The following POLR3C variants were observed in gnomAD, a reference collection of about 807,000 sequenced individuals.
The protein encoded by POLR3C is DNA-directed RNA polymerase III subunit RPC3.
In POLR3C, 44 loss-of-function variants were observed where a neutral mutation model predicts 65.9. That is an observed-to-expected ratio of 0.67 (90% CI 0.52 to 0.86). The LOEUF is 0.86. Among genes scored for constraint, POLR3C ranks in the 40% least tolerant of loss-of-function variants. The pLI is 0.00. For synonymous variants in POLR3C, 263 were observed against 231.6 expected (o/e 1.14, Z -1.23); for missense variants, 576 against 653.2 (o/e 0.88, Z 1.29).
At chr1:145,828,404 A>G (rs1650967438) in intron 4 of POLR3C, among the ~76,000 whole-genome samples, 1 of 152,216 alleles carries the variant, frequency 6.6e-6, no homozygotes, top group South Asian at 2.1e-4. Flanking sequence ...GAATGGGGCA[A>G]AGGTAAATGT....
At chr1:145,836,736 C>G in intron 8 of POLR3C, 79 bp from the exon 9 acceptor site, 1 of 1,046,566 alleles carries the variant, frequency 9.6e-7, no homozygotes. Context: ...CTGCTGCAGA[C>G]TTTTGGTCAG....
Position 145,836,806 on chromosome 1 carries a change from T to C in POLR3C, c.958-9T>C. 1 of 1,563,996 alleles carries C rather than the reference T, an allele frequency of 6.4e-7. No homozygotes were observed. Among genetic ancestry groups the C allele is most frequent in the Middle Eastern group, 1.7e-4 (1 of 5,954 alleles). ...CCGTTCAGTTAACACTCTCTCTTTT[T>C]CTTAATAGCTAGAGTTTGTTGGAAA... On this transcript the variant is annotated splice_polypyrimidine_tract_variant and intron_variant, in intron 8 of 14. Coordinates refer to ENST00000334163, the MANE Select transcript of POLR3C (RefSeq NM_006468.8).
chr1:145,842,406 A>G lies in POLR3C; in HGVS notation c.1591A>G (p.Met531Val), dbSNP rs782266754. 6.2e-7 allele frequency: 1 copy of G among 1,605,792 alleles called. No homozygotes were observed. Among genetic ancestry groups the G allele is most frequent in the East Asian group, 2.2e-5 (1 of 44,856 alleles). Residue 531 changes from methionine to valine, a missense_variant, in exon 15 of 15, where the codon ATG (methionine) becomes GTG (valine). By Grantham distance (21) the Met-to-Val change is conservative. Transcript: ENST00000334163. ...FLLESYIECT[M>V]KRQ ...GCTGGAGTCTTACATTGAGTGCACC[A>G]TGAAGAGACAGTGATCCAGAAGAAG...
chr1:145,840,622 T>C (rs1553730223), intron 13 of POLR3C, among the ~76,000 whole-genome samples: 1 of 152,160 alleles, frequency 6.6e-6, no homozygotes, highest in Non-Finnish European at 1.5e-5. Context: ...TGGCTTAGAT[T>C]AGTGTAAATC....
rs116763641 is a variant in POLR3C at position 145,833,906 on chromosome 1, G to T, written c.876+324G>T. On this transcript the variant is annotated intron_variant, in intron 7 of 14. Coordinates refer to ENST00000334163, the MANE Select transcript of POLR3C (RefSeq NM_006468.8). ...TTTGACCCCCTGTACTTAAAATATCGATATTTAATATATCCAATATGTGTT... is the reference window on the plus strand; with the variant it reads ...TTTGACCCCCTGTACTTAAAATATCTATATTTAATATATCCAATATGTGTT... Among the ~76,000 whole-genome samples the T allele has an allele frequency of 1.5e-3, 229 of 152,218 alleles. 1 individual carries two copies. Among genetic ancestry groups the T allele is most frequent in the African/African-American group, 5.4e-3 (223 of 41,528 alleles).
At chr1:145,838,587 G>C (rs1379430068) in intron 11 of POLR3C, among the ~76,000 whole-genome samples, 1 of 152,068 alleles carries the variant, frequency 6.6e-6, no homozygotes, top group Non-Finnish European at 1.5e-5. Context: ...GGAGGCTGAG[G>C]CAGGAAGGAG....
intron 1 of POLR3C, 119 bp downstream of exon 1, chr1:145,824,488 T>TC: frequency 7.8e-7 from 1 of 1,274,268 alleles, no homozygotes; most frequent in Non-Finnish European, 1.0e-6. Context: ...GGAAGCCCTT[T>TC]CCGAGGATGG....
chr1:145,840,174 C>G lies in POLR3C; in HGVS notation c.1373+9C>G, dbSNP rs371659254. On this transcript the variant is annotated intron_variant, in intron 13 of 14. Transcript: ENST00000334163. ...GAAACCAAAGAGAATAAGTAAGTAA[C>G]ATTTTCAGTTGAGTTATTTACATCT... 2 of 1,540,496 alleles carry G rather than the reference C, an allele frequency of 1.3e-6. No homozygotes were observed. The highest frequency in any genetic ancestry group is 2.7e-5 in the African/African-American group (2 of 73,420).
chr1:145,825,989 A>G, intron 2 of POLR3C, 66 bp downstream of exon 2: 5 of 1,308,164 alleles, frequency 3.8e-6, no homozygotes, highest in Non-Finnish European at 5.5e-6. Flanking sequence ...ACCTTTGAAT[A>G]TTGTTCTTCT....
At chr1:145,824,819 T>C (rs1183502603) in intron 1 of POLR3C, among the ~76,000 whole-genome samples, 1 of 152,144 alleles carries the variant, frequency 6.6e-6, no homozygotes, top group Non-Finnish European at 1.5e-5. Context: ...TTTTCGAAAT[T>C]ATCATTTCCT....
At chr1:145,832,321 C>G (rs10752826) in intron 5 of POLR3C, among the ~76,000 whole-genome samples, 55,569 of 151,828 alleles carry the variant, frequency 0.37, 10,397 homozygotes, top group African/African-American at 0.4. Context: ...GGCTGTGACA[C>G]TAAGGAAAAG....
At position 145,844,347 on chromosome 1, in the gene POLR3C, A is replaced by G. The variant is rs1652502860; in HGVS notation, c.*1927A>G. On this transcript the variant is annotated 3_prime_UTR_variant, in exon 15 of 15. Transcript: ENST00000334163. ...ATGAAATCCTGTCATTGGCAGCAAC[A>G]TGGATGGAATTGGAGGTCATTATGT... Among the ~76,000 whole-genome samples, 1 of 152,240 alleles carries G rather than the reference A, an allele frequency of 6.6e-6. No individual in the cohort carries two copies. Among genetic ancestry groups the G allele is most frequent in the Non-Finnish European group, 1.5e-5 (1 of 68,044 alleles).
At position 145,843,884 on chromosome 1, in the gene POLR3C, C is replaced by A. The variant is rs1424557488; in HGVS notation, c.*1464C>A. 2.0e-5 allele frequency among the ~76,000 whole-genome samples: 3 copies of A among 152,062 alleles called. No individual in the cohort carries two copies. The highest frequency in any genetic ancestry group is 7.2e-5 in the African/African-American group (3 of 41,402). On this transcript the variant is annotated 3_prime_UTR_variant, in exon 15 of 15. Coordinates refer to ENST00000334163, the MANE Select transcript of POLR3C (RefSeq NM_006468.8). ...CCAAAAGATCTTAATAGGTAGTTTT[C>A]GAAAGAAGATACACAAATGGCCGAC...
intron 5 of POLR3C, among the ~76,000 whole-genome samples, chr1:145,832,472 A>C (rs1553727431): frequency 6.6e-6 from 1 of 152,152 alleles, no homozygotes; most frequent in Non-Finnish European, 1.5e-5. Context: ...CCCAAGAATG[A>C]ATGAGAGAGT....
Position 145,826,452 on chromosome 1 carries a change from A to C in POLR3C, c.148-2A>C, listed in dbSNP as rs587603429. 6.2e-7 allele frequency: 1 copy of C among 1,612,608 alleles called. No individual in the cohort carries two copies. The highest frequency in any genetic ancestry group is 8.5e-7 in the Non-Finnish European group (1 of 1,179,050). On this transcript the variant is annotated splice_acceptor_variant, in intron 2 of 14. Transcript: ENST00000334163. LOFTEE classifies it high-confidence loss of function. Reference sequence around the variant, plus strand: ...TCTTTCTTCTCTTTATGTTCCATTTAGGTGAAGAAAGCCCTGTGTGTCCTC... The same window carrying C: ...TCTTTCTTCTCTTTATGTTCCATTTCGGTGAAGAAAGCCCTGTGTGTCCTC...
At position 145,825,354 on chromosome 1, in the gene POLR3C, G is replaced by A. The variant is rs190223374; in HGVS notation, c.-20-403G>A. On this transcript the variant is annotated intron_variant, in intron 1 of 14. Coordinates refer to ENST00000334163, the MANE Select transcript of POLR3C (RefSeq NM_006468.8). ...TCTCAAACTCCTGACCTCATGATAC[G>A]CCCACCTCGGTCTCCCAAAGTGCTA... 1.3e-3 allele frequency among the ~76,000 whole-genome samples: 198 copies of A among 152,068 alleles called. 2 individuals are homozygous for A. The highest frequency in any genetic ancestry group is 2.2e-3 in the Non-Finnish European group (149 of 68,000).
At position 145,842,606 on chromosome 1, in the gene POLR3C, C is replaced by T. The variant is rs936239891; in HGVS notation, c.*186C>T. ...ATTTAGATCCATTGCTGTAGTCTCC[C>T]CTCATCAAATCTTGGCAGTGGGAAG... On this transcript the variant is annotated 3_prime_UTR_variant, in exon 15 of 15. Transcript: ENST00000334163. The T allele has an allele frequency of 1.1e-5, 7 of 609,372 alleles. No homozygotes were observed. The highest frequency in any genetic ancestry group is 1.1e-4 in the African/African-American group (6 of 53,728). 37.7% of individuals were successfully genotyped at this position (609,372 alleles called of 1,614,324 possible). A position where few individuals can be genotyped will look rare whatever the true frequency, so the allele number is the denominator to read the frequency against.
At chr1:145,826,236 G>C (rs1650729194) in intron 2 of POLR3C, among the ~76,000 whole-genome samples, 1 of 152,168 alleles carries the variant, frequency 6.6e-6, no homozygotes, top group Non-Finnish European at 1.5e-5. Flanking sequence ...ATTGTGTTTT[G>C]AGAGATAAGG....
chr1:145,825,873 A>T lies in POLR3C; in HGVS notation c.97A>T (p.Ser33Cys), dbSNP rs114731263. Reference protein sequence around the residue: ...KIGVHLIRTGSQPLRVIAHDT... With the variant: ...KIGVHLIRTGCQPLRVIAHDT... ...TGGAGTCCATCTGATAAGAACCGGC[A>T]GCCAGCCACTAAGAGTAATTGCCCA... Residue 33 changes from serine to cysteine, a missense_variant, in exon 2 of 15, where the codon AGC becomes TGC. Coordinates refer to ENST00000334163, the MANE Select transcript of POLR3C (RefSeq NM_006468.8). The T allele has an allele frequency of 1.0e-4, 164 of 1,613,728 alleles. No individual in the cohort carries two copies. Among genetic ancestry groups the T allele is most frequent in the Non-Finnish European group, 1.3e-4 (154 of 1,179,582 alleles).
Sources: allele counts gnomAD v4.1 joint callset (sites outside exome capture counted in the v4.1 genomes callset), GRCh38; gene constraint gnomAD v4.1.1; transcripts MANE v1.5; gene names NCBI Gene and HGNC (gene_info 2026-07-23, HGNC 2026-07-21).